The following RYR2 variants were observed in gnomAD, a reference collection of about 807,000 sequenced individuals.
RYR2 encodes ryanodine receptor 2.
Under a neutral mutation model 601.1 loss-of-function variants are expected in RYR2, and 227 were observed. The observed-to-expected ratio is 0.38, with a 90% confidence interval of 0.34 to 0.42. The LOEUF (loss-of-function observed/expected upper bound fraction) is 0.42. Among genes scored for constraint, RYR2 ranks in the 10% least tolerant of loss-of-function variants. The probability of loss-of-function intolerance (pLI) is 1.00; values close to 1 mark genes in which losing one functional copy is unlikely to be tolerated. For missense variants in RYR2, 4,646 were observed against 6,156.5 expected (o/e 0.75, Z 8.21); for synonymous variants, 2,223 against 2,175.1 (o/e 1.02, Z -0.61).
chr1:237,764,266 G>A (rs1444794195), intron 84 of RYR2, among the ~76,000 whole-genome samples: 1 of 152,128 alleles, frequency 6.6e-6, no homozygotes, highest in African/African-American at 2.4e-5. Flanking sequence ...ACAGCTAAGC[G>A]GCAAGGCTGA....
chr1:237,732,314 C>A (rs1241732756), intron 78 of RYR2, among the ~76,000 whole-genome samples, 165 bp downstream of exon 78: 1 of 152,138 alleles, frequency 6.6e-6, no homozygotes, highest in Non-Finnish European at 1.5e-5. Flanking sequence ...GGGACCGACA[C>A]TCATTCAATT....
intron 12 of RYR2, among the ~76,000 whole-genome samples, chr1:237,426,527 A>G (rs1407310848): frequency 6.6e-6 from 1 of 152,186 alleles, no homozygotes; most frequent in African/African-American, 2.4e-5. Context: ...AAAAAAGTTC[A>G]ACCCACTAAA....
chr1:237,801,873 T>G lies in RYR2; in HGVS notation c.14108T>G (p.Val4703Gly), dbSNP rs1188114320. The G allele has an allele frequency of 6.3e-7, 1 of 1,598,882 alleles. No homozygotes were observed. The highest frequency in any genetic ancestry group is 1.3e-5 in the African/African-American group (1 of 74,662). ...CATTGCAGACTGAACTCCATTGATG[T>G]GAAGTATCAGATGTGGAAACTAGGA... ...SLSAVLNSID[V>G]KYQMWKLGVV... The change falls in exon 98 of 105, where the codon GTG becomes GGG. Residue 4703 changes from valine to glycine, a missense_variant. Transcript: ENST00000366574.
intron 12 of RYR2, among the ~76,000 whole-genome samples, chr1:237,434,964 C>T (rs1273815130): frequency 3.3e-5 from 5 of 151,960 alleles, no homozygotes; most frequent in South Asian, 4.1e-4. Context: ...TTAGTAGAGA[C>T]GGGGTTTCGC....
intron 12 of RYR2, among the ~76,000 whole-genome samples, chr1:237,436,507 G>T: frequency 1.1e-5 from 1 of 90,590 alleles, no homozygotes; most frequent in Admixed American, 1.3e-4. Context: ...GGCTAACTAA[G>T]CCTGGCCTGG....
chr1:237,661,342 G>A (rs1417112093), intron 56 of RYR2, among the ~76,000 whole-genome samples: 1 of 152,090 alleles, frequency 6.6e-6, no homozygotes, highest in African/African-American at 2.4e-5. Context: ...ACCGGGGCCT[G>A]TCAGGGAGTG....
At chr1:237,052,700 G>A (rs933534337) in intron 1 of RYR2, among the ~76,000 whole-genome samples, 3 of 151,834 alleles carry the variant, frequency 2.0e-5, no homozygotes, top group Non-Finnish European at 4.4e-5. Context: ...GGCAAGAACA[G>A]GGTTTTTTTT....
intron 88 of RYR2, among the ~76,000 whole-genome samples, chr1:237,780,524 A>G (rs1695014386): frequency 6.6e-6 from 1 of 152,214 alleles, no homozygotes; most frequent in Admixed American, 6.5e-5. Flanking sequence ...TTTTTAAAGA[A>G]TAGTTTAAAA....
At chr1:237,697,330 G>GTGTA (rs1401491541) in intron 63 of RYR2, among the ~76,000 whole-genome samples, 1 of 141,728 alleles carries the variant, frequency 7.1e-6, no homozygotes, top group Non-Finnish European at 1.5e-5. Flanking sequence ...GTGTGTGTGT[G>GTGTA]TATATATATA....
intron 2 of RYR2, among the ~76,000 whole-genome samples, chr1:237,320,919 G>C (rs6687754): frequency 0.05 from 7,583 of 150,690 alleles, 460 homozygotes; most frequent in African/African-American, 0.14. Flanking sequence ...CATTCTCTCT[G>C]TGTGTGTGTG....
chr1:237,074,425 T>C (rs541325237), intron 1 of RYR2, among the ~76,000 whole-genome samples: 9 of 152,306 alleles, frequency 5.9e-5, no homozygotes, highest in African/African-American at 2.2e-4. Flanking sequence ...GATGACTCCT[T>C]GGGAGGAAGA....
chr1:237,504,342 C>T (rs1048596394), intron 22 of RYR2, among the ~76,000 whole-genome samples: 7 of 151,812 alleles, frequency 4.6e-5, no homozygotes, highest in South Asian at 2.1e-4. Flanking sequence ...CAATATTTTG[C>T]GGGCAGGGGT....
At chr1:237,729,833 A>G (rs1690519559) in intron 76 of RYR2, among the ~76,000 whole-genome samples, 1 of 152,192 alleles carries the variant, frequency 6.6e-6, no homozygotes, top group African/African-American at 2.4e-5. Flanking sequence ...TTGCTTGGAC[A>G]GAGACTAAGT....
At chr1:237,204,727 G>C (rs924779538) in intron 1 of RYR2, among the ~76,000 whole-genome samples, 7 of 152,114 alleles carry the variant, frequency 4.6e-5, no homozygotes. Flanking sequence ...GTACAGATCT[G>C]AATATGGAGG....
In RYR2 at chr1:237,730,811, T is replaced by G. The variant is rs567662345; in HGVS notation, c.10935+455T>G. 3.9e-5 allele frequency among the ~76,000 whole-genome samples: 6 copies of G among 152,212 alleles called. No individual in the cohort carries two copies. In the South Asian group the frequency reaches 1.2e-3, roughly 32 times the overall value. ...CAGGAGACTGAACACATGGTAAATG[T>G]GGAGCATGAGAAGTAGAATTTTCAC... On this transcript the variant is annotated intron_variant, in intron 77 of 104. Transcript: ENST00000366574.
intron 29 of RYR2, among the ~76,000 whole-genome samples, chr1:237,583,727 G>A (rs1674188826): frequency 6.6e-6 from 1 of 152,104 alleles, no homozygotes; most frequent in Non-Finnish European, 1.5e-5. Context: ...GGAAAAGCTG[G>A]TACGCTTGTG....
At chr1:237,442,665 C>T (rs1446382875) in intron 13 of RYR2, among the ~76,000 whole-genome samples, 1 of 152,056 alleles carries the variant, frequency 6.6e-6, no homozygotes, top group Non-Finnish European at 1.5e-5. Context: ...AGAACAAATT[C>T]TCAGCTTATT....
intron 1 of RYR2, among the ~76,000 whole-genome samples, chr1:237,219,920 C>T (rs79155866): frequency 6.6e-6 from 1 of 152,206 alleles, no homozygotes; most frequent in Non-Finnish European, 1.5e-5. Context: ...TTTTGAGAAC[C>T]TATCATGTGG....
rs80071840 is a variant in RYR2, at chr1:237,357,247, T to A, written c.294+1262T>A. ...TTTTGAAATTTCCTACCTTCCTCTTTGGCTATAGTTAAAATGCTGATCCAA... is the reference window on the plus strand; with the variant it reads ...TTTTGAAATTTCCTACCTTCCTCTTAGGCTATAGTTAAAATGCTGATCCAA... On this transcript the variant is annotated intron_variant, in intron 4 of 104. Transcript: ENST00000366574. Among the ~76,000 whole-genome samples the A allele has an allele frequency of 9.4e-3, 1,427 of 152,316 alleles. 23 individuals carry two copies. The highest frequency in any genetic ancestry group is 0.033 in the African/African-American group (1,357 of 41,580).
Sources: gnomAD v4.1 joint callset for allele counts (sites outside exome capture counted in the v4.1 genomes callset) on GRCh38, gnomAD v4.1.1 for gene constraint, MANE v1.5 for transcripts, NCBI Gene and HGNC (gene_info 2026-07-23, HGNC 2026-07-21) for gene names.